The following CREBZF variants were observed in gnomAD, a reference collection of about 807,000 sequenced individuals.
CREBZF encodes the protein HCF-binding transcription factor Zhangfei.
CREBZF carries 8 observed loss-of-function variants against 21.1 expected under a neutral mutation model. The ratio of observed to expected loss-of-function variants is 0.38; its 90% CI spans 0.22 to 0.68. The LOEUF (loss-of-function observed/expected upper bound fraction) is 0.68, where lower values mean the gene tolerates loss of function less well. CREBZF is among the 30% of genes least tolerant of loss of function. The pLI is 0.51. For synonymous variants in CREBZF, 270 were observed against 223.3 expected, an observed-to-expected ratio of 1.21 and a Z score of -1.86; for missense variants, 518 against 484.3, an observed-to-expected ratio of 1.07 and a Z score of -0.65.
upstream of CREBZF, among the ~76,000 whole-genome samples, chr11:85,669,001 CAAAAAAAAAAAAAAAAAAAAA>C (rs61718728): frequency 1.6e-3 from 52 of 33,220 alleles, no homozygotes; most frequent in East Asian, 4.2e-3. Flanking sequence ...GACTCCGTCT[CAAAAAAAAAAAAAAAAAAAAA>C]AAAAAAAAAA....
At chr11:85,676,188 G>GA (rs2082941149) in intron 1 of CREBZF, among the ~76,000 whole-genome samples, 1 of 152,216 alleles carries the variant, frequency 6.6e-6, no homozygotes. Flanking sequence ...TGCTTCAGTG[G>GA]AGGAAAGGGA....
chr11:85,670,712 G>C (rs1036814425), intron 1 of CREBZF, among the ~76,000 whole-genome samples: 3 of 152,150 alleles, frequency 2.0e-5, no homozygotes, highest in Non-Finnish European at 4.4e-5. Context: ...ACAATGTAGT[G>C]TCAATATCTC....
chr11:85,682,620 T>A, intron 1 of CREBZF: 1 of 148,698 alleles, frequency 6.7e-6, no homozygotes, highest in Non-Finnish European at 1.2e-5. Flanking sequence ...CCCAACGCGA[T>A]CTTCCAGACG....
intron 1 of CREBZF, among the ~76,000 whole-genome samples, chr11:85,670,478 T>C (rs536888998): frequency 7.9e-5 from 12 of 151,764 alleles, no homozygotes; most frequent in African/African-American, 2.7e-4. Context: ...TAATTTTTTG[T>C]AAATTAGTAG....
chr11:85,664,291 ACCGCCG>A lies in CREBZF; in HGVS notation c.579_584del (p.Gly196_Gly197del). On this transcript the variant is annotated inframe_deletion, in exon 1 of 1. Transcript: ENST00000527447. This position sits in a 1 kb window ranked among gnomAD's most constrained non-coding sequence, Gnocchi z 5.5. The stretch of plus-strand genomic sequence containing the variant: ...GGTTGTTGTCGTTACCGCTGCCGCC[ACCGCCG>A]CCTCCTCCTGGGGACTTTCTCCGCC... 18 of 1,612,058 alleles carry A rather than the reference ACCGCCG, an allele frequency of 1.1e-5. No individual in the cohort carries two copies. Among genetic ancestry groups the A allele is most frequent in the Non-Finnish European group, 1.4e-5 (17 of 1,179,508 alleles).
intron 1 of CREBZF, among the ~76,000 whole-genome samples, chr11:85,676,322 C>T (rs1435332200): frequency 6.6e-6 from 1 of 152,174 alleles, no homozygotes; most frequent in Admixed American, 6.5e-5. Context: ...ATGGGCACCT[C>T]GGAGCCAGAA....
chr11:85,673,938 T>TAA, intron 1 of CREBZF, among the ~76,000 whole-genome samples: 1 of 152,362 alleles, frequency 6.6e-6, no homozygotes, highest in Middle Eastern at 3.4e-3. Flanking sequence ...ATTCAAGTGA[T>TAA]ATCATGAGAC....
chr11:85,682,422 A>G (rs886290012), intron 1 of CREBZF, among the ~76,000 whole-genome samples: 1 of 152,128 alleles, frequency 6.6e-6, no homozygotes, highest in Non-Finnish European at 1.5e-5. Flanking sequence ...AAAGGGCATT[A>G]GGGTGAACCT....
At chr11:85,680,480 C>T (rs2082969780) in intron 1 of CREBZF, among the ~76,000 whole-genome samples, 2 of 152,202 alleles carry the variant, frequency 1.3e-5, no homozygotes, top group African/African-American at 4.8e-5. Flanking sequence ...GTAGCTAAGG[C>T]AGGAGTCCCT....
chr11:85,675,951 G>C (rs1157373456), intron 1 of CREBZF, among the ~76,000 whole-genome samples: 1 of 152,194 alleles, frequency 6.6e-6, no homozygotes, highest in Non-Finnish European at 1.5e-5. Flanking sequence ...CATGAAATGT[G>C]CAATTCCCAG....
rs1159640358 is a variant in CREBZF at position 85,663,279 on chromosome 11, T to TAG, written c.*530_*531dup. 8 of 550,998 alleles carry TAG rather than the reference T, an allele frequency of 1.5e-5. No homozygotes were observed. Among genetic ancestry groups the TAG allele is most frequent in the Non-Finnish European group, 2.6e-5 (8 of 308,284 alleles). The allele number at this position is 550,998 out of a possible 1,614,324, so 34.1% of individuals were successfully genotyped here. ...ATGTCCACACTGGGGACAGAAGAGC[T>TAG]AGGTACACGCAAGTCTGAATAAGGG... On this transcript the variant is annotated 3_prime_UTR_variant, in exon 1 of 1. Transcript: ENST00000527447.
At position 85,664,828 on chromosome 11, in the gene CREBZF, G is replaced by T; in HGVS notation, c.48C>A (p.Ser16=). Residue 16 remains serine (S), a synonymous_variant, in exon 1 of 1, where the codon TCC becomes TCA. Transcript: ENST00000527447. This position sits in a 1 kb window ranked among gnomAD's most constrained non-coding sequence, Gnocchi z 5.5. ...TKLLAASGSN[S]PTRSESPEPA... ...GCTCCGGGCTCTCACTGCGGGTTGGGGAGTTGCTGCCCGAGGCTGCCAGCA... is the reference window on the plus strand; with the variant it reads ...GCTCCGGGCTCTCACTGCGGGTTGGTGAGTTGCTGCCCGAGGCTGCCAGCA... 6.5e-7 allele frequency: 1 copy of T among 1,542,286 alleles called. No homozygotes were observed.
intron 1 of CREBZF, among the ~76,000 whole-genome samples, chr11:85,676,865 A>G (rs1013536747): frequency 6.7e-6 from 1 of 150,150 alleles, no homozygotes; most frequent in Non-Finnish European, 1.5e-5. Flanking sequence ...GCTGGTCTCA[A>G]GCTCCTGGGT....
At chr11:85,680,171 T>C (rs1357019023) in intron 1 of CREBZF, among the ~76,000 whole-genome samples, 1 of 152,190 alleles carries the variant, frequency 6.6e-6, no homozygotes, top group Admixed American at 6.5e-5. Flanking sequence ...TATAGTATAA[T>C]ATGGATATTG....
In CREBZF at chr11:85,661,211, C is replaced by A. The variant is rs1195600146; in HGVS notation, c.*2600G>T. On this transcript the variant is annotated 3_prime_UTR_variant, in exon 1 of 1. Transcript: ENST00000527447. The stretch of plus-strand genomic sequence containing the variant: ...AAAATGTGCTTACACATAAATATGA[C>A]CAAATTTATTTAAAGCCCCTATTAG... The A allele has an allele frequency of 1.3e-5, 2 of 152,050 alleles. No homozygotes were observed. The highest frequency in any genetic ancestry group is 2.9e-5 in the Non-Finnish European group (2 of 67,890). The allele number at this position is 152,050 out of a possible 1,614,324, so 9.4% of individuals were successfully genotyped here. A position where few individuals can be genotyped will look rare whatever the true frequency, so the allele number is the denominator to read the frequency against.
rs568111319 is a variant in CREBZF, at chr11:85,662,302, G to A, written c.*1509C>T. The A allele has an allele frequency of 9.6e-4, 635 of 662,114 alleles. 1 individual carries two copies. The highest frequency in any genetic ancestry group is 1.4e-3 in the Non-Finnish European group (483 of 355,184). 41.0% of individuals were successfully genotyped at this position (662,114 alleles called of 1,614,324 possible). On this transcript the variant is annotated 3_prime_UTR_variant, in exon 1 of 1. Transcript: ENST00000527447. ...GATAACTTACATCTTTGGACTGCTGGAAAATACTTTTTAATTATGAACATG... is the reference window on the plus strand; with the variant it reads ...GATAACTTACATCTTTGGACTGCTGAAAAATACTTTTTAATTATGAACATG...
In CREBZF at chr11:85,658,247, T is replaced by C. The variant is rs1443141063; in HGVS notation, c.*5564A>G. ...AAGCCCAATGATATAACTAAGTTCTTTGACGATTGAGCACACATTGTTTCC... is the reference window on the plus strand; with the variant it reads ...AAGCCCAATGATATAACTAAGTTCTCTGACGATTGAGCACACATTGTTTCC... On this transcript the variant is annotated 3_prime_UTR_variant, in exon 1 of 1. Coordinates refer to ENST00000527447, the MANE Select transcript of CREBZF (RefSeq NM_001039618.4). Among the ~76,000 whole-genome samples, 4 of 152,016 alleles carry C rather than the reference T, an allele frequency of 2.6e-5. No individual in the cohort carries two copies. The highest frequency in any genetic ancestry group is 3.9e-4 in the East Asian group (2 of 5,192).
At position 85,664,905 on chromosome 11, in the gene CREBZF, C is replaced by CG. The variant is rs1316408478; in HGVS notation, c.-31dup. Reference sequence around the variant, plus strand: ...GCCAGCGGCGGGCCGCGGTAGGCCCCGGCCGCTAAGAGTGGGCCTCACGGG... The same window carrying CG: ...GCCAGCGGCGGGCCGCGGTAGGCCCCGGGCCGCTAAGAGTGGGCCTCACGGG... On this transcript the variant is annotated 5_prime_UTR_variant, in exon 1 of 1. Coordinates refer to ENST00000527447, the MANE Select transcript of CREBZF (RefSeq NM_001039618.4). This position sits in a 1 kb window ranked among gnomAD's most constrained non-coding sequence, Gnocchi z 5.5. The CG allele has an allele frequency of 5.6e-6, 8 of 1,423,736 alleles. No homozygotes were observed. Among genetic ancestry groups the CG allele is most frequent in the Admixed American group, 3.1e-5 (1 of 32,622 alleles). 88.2% of individuals were successfully genotyped at this position (1,423,736 alleles called of 1,614,324 possible).
rs572614866 is a variant in CREBZF, at chr11:85,675,203, C to T, written n.147+7514G>A. On this transcript the variant is annotated intron_variant and non_coding_transcript_variant, in intron 1 of 3. Transcript: ENST00000531515. The stretch of plus-strand genomic sequence containing the variant: ...CTCAAAAATATTTCCTCTGCATTCA[C>T]GACTTGGCTAACTGGTGCAAAAGAC... Among the ~76,000 whole-genome samples, 4 of 152,288 alleles carry T rather than the reference C, an allele frequency of 2.6e-5. No homozygotes were observed. In the South Asian group the frequency reaches 6.2e-4, roughly 24 times the overall value.
Sources: gnomAD v4.1 joint callset for allele counts (sites outside exome capture counted in the v4.1 genomes callset) on GRCh38, gnomAD v4.1.1 for gene constraint, Gnocchi (gnomAD v3.1) non-coding constraint, MANE v1.5 for transcripts, NCBI Gene and HGNC (gene_info 2026-07-23, HGNC 2026-07-21) for gene names.